SLC2A14: variants seen among roughly 807,000 people sequenced by gnomAD.
The protein encoded by SLC2A14 is solute carrier family 2 member 14, also known as solute carrier family 2, facilitated glucose transporter member 14.
SLC2A14 carries 13 observed loss-of-function variants against 43.0 expected under a neutral mutation model. That is an observed-to-expected ratio of 0.30 (90% CI 0.20 to 0.48). The LOEUF (loss-of-function observed/expected upper bound fraction) is 0.48, where lower values mean the gene tolerates loss of function less well. Ranked by LOEUF, SLC2A14 falls within the 20% of genes least tolerant of loss-of-function variation. The probability of loss-of-function intolerance (pLI) is 0.99; values close to 1 mark genes in which losing one functional copy is unlikely to be tolerated. For synonymous variants in SLC2A14, 190 were observed against 233.8 expected (o/e 0.81, Z 1.71); for missense variants, 428 against 620.4 (o/e 0.69, Z 3.29).
At chr12:7,848,152 A>G (rs1051848701) in intron 2 of SLC2A14, among the ~76,000 whole-genome samples, 8 of 152,086 alleles carry the variant, frequency 5.3e-5, no homozygotes, top group Non-Finnish European at 2.9e-5. Context: ...TGCCTCCCTG[A>G]GTCATTTCTA....
At chr12:7,869,793 A>C (rs1945129091) in intron 2 of SLC2A14, 70 bp downstream of exon 2, 1 of 967,592 alleles carries the variant, frequency 1.0e-6, no homozygotes, top group African/African-American at 1.6e-5. Context: ...TAGGAAGATG[A>C]TAGGTACTGT....
At chr12:7,889,205 A>C (rs956880642) in intron 1 of SLC2A14, among the ~76,000 whole-genome samples, 1 of 151,062 alleles carries the variant, frequency 6.6e-6, no homozygotes, top group Non-Finnish European at 1.5e-5. Context: ...CTCCATAGAC[A>C]GAGTAGCCCA....
intron 2 of SLC2A14, among the ~76,000 whole-genome samples, chr12:7,834,266 G>A (rs746170050): frequency 6.6e-6 from 1 of 151,088 alleles, no homozygotes; most frequent in African/African-American, 2.4e-5. Context: ...TGTAGAGATG[G>A]GATCTCACTG....
At chr12:7,853,644 C>T (rs1329730312) in intron 2 of SLC2A14, among the ~76,000 whole-genome samples, 1 of 151,932 alleles carries the variant, frequency 6.6e-6, no homozygotes, top group African/African-American at 2.4e-5. Context: ...AAAAGGCAAA[C>T]ATATTTCTGA....
chr12:7,841,824 G>T (rs889099695), intron 2 of SLC2A14, among the ~76,000 whole-genome samples: 3 of 151,840 alleles, frequency 2.0e-5, no homozygotes, highest in African/African-American at 7.3e-5. Context: ...CAACCAACAT[G>T]GTGAAACCCC....
In SLC2A14 at chr12:7,872,811, C is replaced by CA; in HGVS notation, c.-63dup. 1 of 985,650 alleles carries CA rather than the reference C, an allele frequency of 1.0e-6. No homozygotes were observed. The highest frequency in any genetic ancestry group is 1.7e-5 in the African/African-American group (1 of 57,328). 61.1% of individuals were successfully genotyped at this position (985,650 alleles called of 1,614,324 possible). On this transcript the variant is annotated 5_prime_UTR_variant, in exon 1 of 11. Transcript: ENST00000431042. Reference sequence around the variant, plus strand: ...GGGACGGCGCGGCGCACCCACCTCCCAGACCCCGCGACTGCGGTTGGGCCC... The same window carrying CA: ...GGGACGGCGCGGCGCACCCACCTCCCAAGACCCCGCGACTGCGGTTGGGCCC...
chr12:7,862,798 T>C (rs1023826089), intron 2 of SLC2A14, among the ~76,000 whole-genome samples: 1 of 152,116 alleles, frequency 6.6e-6, no homozygotes, highest in Non-Finnish European at 1.5e-5. Context: ...CAATTGACAC[T>C]CTTTATCTAG....
intron 7 of SLC2A14, among the ~76,000 whole-genome samples, chr12:7,826,613 C>T (rs1864373116): frequency 1.3e-5 from 2 of 152,046 alleles, no homozygotes; most frequent in Admixed American, 1.3e-4. Context: ...GACTAGAAGG[C>T]ACAGGAGTAC....
chr12:7,859,589 T>C (rs182844627), intron 2 of SLC2A14, among the ~76,000 whole-genome samples: 12 of 152,204 alleles, frequency 7.9e-5, no homozygotes, highest in Admixed American at 5.2e-4. Context: ...TGAGGGCCAG[T>C]TGTCTCCATA....
intron 1 of SLC2A14, among the ~76,000 whole-genome samples, chr12:7,870,418 G>A (rs1316446910): frequency 6.6e-6 from 1 of 152,154 alleles, no homozygotes; most frequent in Admixed American, 6.6e-5. Flanking sequence ...CCACAGTGAA[G>A]TTGGAAGTCG....
intron 2 of SLC2A14, among the ~76,000 whole-genome samples, chr12:7,835,316 G>A (rs1398729981): frequency 1.3e-5 from 2 of 152,260 alleles, no homozygotes; most frequent in East Asian, 3.9e-4. Flanking sequence ...GAAACTGGGA[G>A]GCAGAGGTTG....
intron 1 of SLC2A14, chr12:7,870,869 C>A: frequency 7.8e-7 from 1 of 1,275,794 alleles, no homozygotes; most frequent in South Asian, 1.4e-5. Flanking sequence ...GCAAGTGGAC[C>A]AAAGCCAAGA....
At chr12:7,876,006 C>T (rs1023895780), upstream of SLC2A14, among the ~76,000 whole-genome samples, 1 of 150,886 alleles carries the variant, frequency 6.6e-6, no homozygotes, top group Non-Finnish European at 1.5e-5. Flanking sequence ...AAGCTGGGTG[C>T]GGTGGCTTAT....
chr12:7,854,088 T>C lies in SLC2A14; in HGVS notation c.18+15775A>G, dbSNP rs556507988. On this transcript the variant is annotated intron_variant, in intron 2 of 10. Transcript: ENST00000431042. The stretch of plus-strand genomic sequence containing the variant: ...TATCACTTGATCTTGGCCAAAAGAC[T>C]GAGAAGTGATTAGAGTCATATATCT... Among the ~76,000 whole-genome samples, 292 of 152,234 alleles carry C rather than the reference T, an allele frequency of 1.9e-3. 4 individuals carry two copies. Among genetic ancestry groups the C allele is most frequent in the Non-Finnish European group, 3.1e-3 (210 of 67,988 alleles).
At chr12:7,864,976 C>T (rs1175717221) in intron 2 of SLC2A14, among the ~76,000 whole-genome samples, 1 of 152,088 alleles carries the variant, frequency 6.6e-6, no homozygotes, top group Non-Finnish European at 1.5e-5. Flanking sequence ...AGGTATATCT[C>T]GCTTTATTGC....
intron 2 of SLC2A14, among the ~76,000 whole-genome samples, chr12:7,849,793 C>G (rs1866771827): frequency 6.6e-6 from 1 of 150,620 alleles, no homozygotes; most frequent in African/African-American, 2.4e-5. Flanking sequence ...GTCCCAGCTA[C>G]TCGGGAGGCC....
At chr12:7,843,922 T>C (rs1216669186) in intron 2 of SLC2A14, among the ~76,000 whole-genome samples, 1 of 150,208 alleles carries the variant, frequency 6.7e-6, no homozygotes, top group Non-Finnish European at 1.5e-5. Context: ...TTTCTAGTGG[T>C]GATAGAATTG....
chr12:7,887,074 G>A (rs1945700517), intron 1 of SLC2A14, among the ~76,000 whole-genome samples: 1 of 151,632 alleles, frequency 6.6e-6, no homozygotes, highest in South Asian at 2.1e-4. Flanking sequence ...ACCACGCCCG[G>A]CTAATTTTTG....
chr12:7,827,042 CCTT>C (rs1864529166), intron 7 of SLC2A14, among the ~76,000 whole-genome samples: 1 of 136,478 alleles, frequency 7.3e-6, no homozygotes. Flanking sequence ...CTCTTTCTCT[CCTT>C]TCTCTCTCTC....
Sources: allele counts gnomAD v4.1 joint callset (sites outside exome capture counted in the v4.1 genomes callset), GRCh38; gene constraint gnomAD v4.1.1; transcripts MANE v1.5; gene names NCBI Gene and HGNC (gene_info 2026-07-23, HGNC 2026-07-21).